MAMLD1: variants seen among roughly 807,000 people sequenced by gnomAD.
The protein encoded by MAMLD1 is mastermind-like domain-containing protein 1.
MAMLD1 carries 14 observed loss-of-function variants against 45.0 expected under a neutral mutation model. That is an observed-to-expected ratio of 0.31 (90% CI 0.21 to 0.49). The LOEUF (loss-of-function observed/expected upper bound fraction) is 0.49, where lower values mean the gene tolerates loss of function less well. Ranked by LOEUF, MAMLD1 falls within the 20% of genes least tolerant of loss-of-function variation. The pLI is 0.99. For synonymous variants in MAMLD1, 254 were observed against 247.8 expected (o/e 1.02, Z -0.24); for missense variants, 543 against 603.6 (o/e 0.90, Z 1.05).
Position 150,435,914 on chromosome X carries a change from T to TA in MAMLD1, c.-63-9538dup, listed in dbSNP as rs782472146. 1.8e-4 allele frequency among the ~76,000 whole-genome samples: 20 copies of TA among 112,701 alleles called. No homozygotes were observed. The South Asian group carries it at 6.6e-3, about 37-fold the overall frequency. On this transcript the variant is annotated intron_variant, in intron 1 of 7. Coordinates refer to ENST00000370401, the MANE Select transcript of MAMLD1 (RefSeq NM_005491.5). ...ATCTCTTGTAAGGCAAGTCTGCTGT[T>TA]AATGAATTCCCTTCACATTTGCTAG...
intron 1 of MAMLD1, 61 bp downstream of exon 1, chrX:150,363,591 A>G (rs2031144570): frequency 9.0e-6 from 1 of 111,218 alleles, no homozygotes; most frequent in Non-Finnish European, 1.9e-5. Flanking sequence ...GTACACTTGT[A>G]GCCCCCAGTT....
chrX:150,496,143 C>G (rs893252004), intron 5 of MAMLD1, among the ~76,000 whole-genome samples: 1 of 112,809 alleles, frequency 8.9e-6, no homozygotes, highest in South Asian at 3.6e-4. Context: ...CCGAACATGA[C>G]GGTTAGTTGG....
intron 5 of MAMLD1, among the ~76,000 whole-genome samples, chrX:150,498,154 G>A (rs2037444969): frequency 9.0e-6 from 1 of 111,141 alleles, no homozygotes; most frequent in African/African-American, 3.3e-5. Flanking sequence ...ATGTTGGCCA[G>A]ACCACACCTA....
Position 150,470,316 on chromosome X carries a change from G to T in MAMLD1, c.743G>T (p.Gly248Val). The T allele has an allele frequency of 1.7e-6, 2 of 1,207,875 alleles. No individual in the cohort carries two copies. Among genetic ancestry groups the T allele is most frequent in the Non-Finnish European group, 2.2e-6 (2 of 892,949 alleles). Residue 248 changes from glycine (G) to valine (V), a missense_variant, in exon 4 of 8, where the codon GGC becomes GTC. Coordinates refer to ENST00000370401, the MANE Select transcript of MAMLD1 (RefSeq NM_005491.5). ...GCTTCTAGTTGCAGCCAAGTTACTG[G>T]CATGTCACTTCAGATCCCATCCTCC... ...EFASSCSQVTGMSLQIPSSST... is the reference protein window; with the variant it reads ...EFASSCSQVTVMSLQIPSSST...
At chrX:150,482,854 G>A (rs1456406342) in intron 5 of MAMLD1, among the ~76,000 whole-genome samples, 1 of 112,448 alleles carries the variant, frequency 8.9e-6, no homozygotes, top group Non-Finnish European at 1.9e-5. Context: ...ATACGTAGGT[G>A]GGGGAAACAA....
chrX:150,471,205 C>T lies in MAMLD1; in HGVS notation c.1632C>T (p.Pro544=), dbSNP rs781802537. Reference sequence around the variant, plus strand: ...CATTTACTTTTGGCAACACCAAGCCCTTGTCCCATTTTGTTTCTGAGCCGG... The same window carrying T: ...CATTTACTTTTGGCAACACCAAGCCTTTGTCCCATTTTGTTTCTGAGCCGG... The part of the protein sequence containing the change: ...TEPFTFGNTK[P]LSHFVSEPGP... Residue 544 remains proline, a synonymous_variant, in exon 4 of 8, where the codon CCC becomes CCT. Transcript: ENST00000370401. 1 of 1,212,083 alleles carries T rather than the reference C, an allele frequency of 8.3e-7. No homozygotes were observed. Among genetic ancestry groups the T allele is most frequent in the South Asian group, 1.8e-5 (1 of 57,014 alleles).
At chrX:150,409,840 G>A (rs928599972) in intron 1 of MAMLD1, among the ~76,000 whole-genome samples, 23 of 112,676 alleles carry the variant, frequency 2.0e-4, no homozygotes, top group African/African-American at 6.5e-4. Flanking sequence ...AAATGTACCT[G>A]TTTTCCAAAA....
At chrX:150,461,681 G>T (rs1326304957) in intron 2 of MAMLD1, among the ~76,000 whole-genome samples, 3 of 111,507 alleles carry the variant, frequency 2.7e-5, no homozygotes, top group African/African-American at 9.8e-5. Flanking sequence ...TGCATGGGAC[G>T]GAGAAGACCA....
At chrX:150,454,468 C>T (rs782294793) in intron 2 of MAMLD1, among the ~76,000 whole-genome samples, 4 of 111,947 alleles carry the variant, frequency 3.6e-5, no homozygotes, top group Admixed American at 9.4e-5. Flanking sequence ...CATAAAATTA[C>T]TTTATTGGCA....
intron 1 of MAMLD1, among the ~76,000 whole-genome samples, chrX:150,432,055 G>A (rs782061462): frequency 2.7e-5 from 3 of 109,598 alleles, no homozygotes; most frequent in Non-Finnish European, 5.7e-5. Context: ...CACTAGTAGT[G>A]TATAACTATC....
At position 150,476,337 on chromosome X, in the gene MAMLD1, A is replaced by G. The variant is rs187256484; in HGVS notation, c.2040+2535A>G. The stretch of plus-strand genomic sequence containing the variant: ...CCCTTCTCCCTGCAGATTACTGGAG[A>G]TACCTTGGCGTGTTGCAAAAATCGC... On this transcript the variant is annotated intron_variant, in intron 5 of 7. Coordinates refer to ENST00000370401, the MANE Select transcript of MAMLD1 (RefSeq NM_005491.5). 4.4e-5 allele frequency among the ~76,000 whole-genome samples: 5 copies of G among 112,562 alleles called. No individual in the cohort carries two copies. The East Asian group carries it at 1.4e-3, about 31-fold the overall frequency.
intron 1 of MAMLD1, among the ~76,000 whole-genome samples, chrX:150,403,867 G>C (rs1392043188): frequency 1.1e-5 from 1 of 90,596 alleles, no homozygotes; most frequent in Non-Finnish European, 2.2e-5. Context: ...AAGAAAGAAA[G>C]AAGAAAGAAA....
In MAMLD1 at chrX:150,504,974, TCCTTTGCCCGGGATCATTC is replaced by T. The variant is rs1307899621; in HGVS notation, c.2284+1460_2284+1478del. 1.3e-4 allele frequency: 95 copies of T among 752,850 alleles called. No individual in the cohort carries two copies. The Middle Eastern group carries it at 2.3e-3, about 18-fold the overall frequency. The allele number at this position is 752,850 out of a possible 1,213,427, so 62.0% of individuals were successfully genotyped here. A position where few individuals can be genotyped will look rare whatever the true frequency, so the allele number is the denominator to read the frequency against. On this transcript the variant is annotated intron_variant, in intron 6 of 7. Coordinates refer to ENST00000370401, the MANE Select transcript of MAMLD1 (RefSeq NM_005491.5). ...AAAGCAAGCTGGAAATATATTTGTT[TCCTTTGCCCGGGATCATTC>T]CCAGCATCTAAACCAAGTTCTTCCC...
chrX:150,384,335 G>A (rs1302613226), intron 1 of MAMLD1, among the ~76,000 whole-genome samples: 1 of 111,878 alleles, frequency 8.9e-6, no homozygotes, highest in Non-Finnish European at 1.9e-5. Context: ...ATTTCATTAT[G>A]ATTGTGATTT....
intron 2 of MAMLD1, among the ~76,000 whole-genome samples, chrX:150,450,120 G>A (rs1301098609): frequency 8.9e-6 from 1 of 111,976 alleles, no homozygotes; most frequent in African/African-American, 3.2e-5. Flanking sequence ...TGTTCTCAGT[G>A]CCTTTCATTC....
At chrX:150,499,137 A>G (rs782275973) in intron 5 of MAMLD1, among the ~76,000 whole-genome samples, 6 of 111,216 alleles carry the variant, frequency 5.4e-5, no homozygotes, top group Admixed American at 9.5e-5. Context: ...AGGACCTTGG[A>G]CTCTGAGCAT....
At chrX:150,445,647 T>C (rs1557404764) in intron 2 of MAMLD1, 35 bp downstream of exon 2, 1 of 992,560 alleles carries the variant, frequency 1.0e-6, no homozygotes, top group South Asian at 2.0e-5. Flanking sequence ...GGGGGGTATT[T>C]AATGCTTCTA....
chrX:150,377,817 C>CTCACA (rs2032400355), intron 1 of MAMLD1, among the ~76,000 whole-genome samples: 1 of 41,227 alleles, frequency 2.4e-5, no homozygotes, highest in African/African-American at 1.1e-4. Flanking sequence ...TCTACCACCC[C>CTCACA]CTCACACACA....
At chrX:150,455,088 G>A (rs1449061981) in intron 2 of MAMLD1, among the ~76,000 whole-genome samples, 1 of 111,567 alleles carries the variant, frequency 9.0e-6, no homozygotes, top group Non-Finnish European at 1.9e-5. Flanking sequence ...AGTGAAATAA[G>A]TACATGTTTT....
Sources: gnomAD v4.1 joint callset for allele counts (sites outside exome capture counted in the v4.1 genomes callset) on GRCh38, gnomAD v4.1.1 for gene constraint, MANE v1.5 for transcripts, NCBI Gene and HGNC (gene_info 2026-07-23, HGNC 2026-07-21) for gene names.